PAPPA: variants seen among roughly 807,000 people sequenced by gnomAD.
PAPPA encodes pappalysin-1.
In PAPPA, 60 loss-of-function variants were observed where a neutral mutation model predicts 164.0. The ratio of observed to expected loss-of-function variants is 0.37; its 90% CI spans 0.30 to 0.45. The LOEUF is 0.45. PAPPA is among the 20% of genes least tolerant of loss of function. The probability of loss-of-function intolerance (pLI) is 1.00; values close to 1 mark genes in which losing one functional copy is unlikely to be tolerated. For synonymous variants in PAPPA, 875 were observed against 814.1 expected (o/e 1.07, Z -1.27); for missense variants, 1,782 against 2,087.3 (o/e 0.85, Z 2.85).
chr9:116,273,839 T>G (rs1845165358), intron 9 of PAPPA, among the ~76,000 whole-genome samples: 1 of 152,180 alleles, frequency 6.6e-6, no homozygotes, highest in African/African-American at 2.4e-5. Context: ...TAGATTCATT[T>G]TATAGACTGT....
chr9:116,255,767 C>T (rs1025564353), intron 7 of PAPPA, among the ~76,000 whole-genome samples: 4 of 151,808 alleles, frequency 2.6e-5, no homozygotes, highest in Admixed American at 6.6e-5. Context: ...CCTGAAACGA[C>T]CCCTGAAAAT....
At chr9:116,160,602 C>T (rs1488492717) in intron 1 of PAPPA, among the ~76,000 whole-genome samples, 1 of 152,206 alleles carries the variant, frequency 6.6e-6, no homozygotes, top group African/African-American at 2.4e-5. Flanking sequence ...TCTCCAGGTA[C>T]TAGAGGACTC....
At chr9:116,325,547 G>T (rs1198236497) in intron 10 of PAPPA, among the ~76,000 whole-genome samples, 4 of 152,154 alleles carry the variant, frequency 2.6e-5, no homozygotes, top group Non-Finnish European at 5.9e-5. Flanking sequence ...ATAGTCTAAG[G>T]GATTCTGCTA....
rs1050038549 is a variant in PAPPA, at chr9:116,154,281, C to T, written c.109C>T (p.Pro37Ser). ...RARRDPRAGR[P>S]PRPAAGPATC... ...CCGGAGAGACCCGCGGGCCGGCCGACCCCCGCGCCCCGCCGCCGGCCCGGC... is the reference window on the plus strand; with the variant it reads ...CCGGAGAGACCCGCGGGCCGGCCGATCCCCGCGCCCCGCCGCCGGCCCGGC... Residue 37 changes from proline to serine, a missense_variant, in exon 1 of 22, where the codon CCC becomes TCC. Pro to Ser is a moderately conservative substitution (Grantham distance 74). Coordinates refer to ENST00000328252, the MANE Select transcript of PAPPA (RefSeq NM_002581.5). This position sits in a 1 kb window ranked among gnomAD's most constrained non-coding sequence, Gnocchi z 5.2. 4.0e-6 allele frequency: 4 copies of T among 1,003,204 alleles called. No homozygotes were observed. The highest frequency in any genetic ancestry group is 1.7e-5 in the African/African-American group (1 of 57,194). 62.1% of individuals were successfully genotyped at this position (1,003,204 alleles called of 1,614,324 possible).
chr9:116,264,684 G>A (rs1046764291), intron 7 of PAPPA, among the ~76,000 whole-genome samples: 18 of 152,158 alleles, frequency 1.2e-4, no homozygotes, highest in South Asian at 2.1e-4. Flanking sequence ...CCCCCCCAAT[G>A]CTGGAATCTG....
intron 12 of PAPPA, among the ~76,000 whole-genome samples, chr9:116,333,841 G>A (rs1846024599): frequency 6.6e-6 from 1 of 151,974 alleles, no homozygotes; most frequent in African/African-American, 2.4e-5. Context: ...GATGCCTGAG[G>A]CTTTTCTGTT....
Position 116,187,656 on chromosome 9 carries a change from C to T in PAPPA, c.918C>T (p.Pro306=), listed in dbSNP as rs1271989423. ...CCCCCATGAAGGATGGCAGCAGCCC[C>T]AAAGTGGAATTCAGCAATGCCCACG... is the stretch of plus-strand genomic sequence containing the variant. The part of the protein sequence containing the change: ...AWSPMKDGSS[P]KVEFSNAHGF... Residue 306 remains proline, a synonymous_variant, in exon 2 of 22, where the codon CCC becomes CCT. Coordinates refer to ENST00000328252, the MANE Select transcript of PAPPA (RefSeq NM_002581.5). The surrounding 1 kb of genome is among the most constrained non-coding windows in gnomAD (Gnocchi z 4.2). The T allele has an allele frequency of 6.2e-7, 1 of 1,614,238 alleles. No homozygotes were observed. Among genetic ancestry groups the T allele is most frequent in the East Asian group, 2.2e-5 (1 of 44,882 alleles).
At chr9:116,200,148 G>T (rs759711896) in intron 2 of PAPPA, among the ~76,000 whole-genome samples, 1 of 152,184 alleles carries the variant, frequency 6.6e-6, no homozygotes, top group Non-Finnish European at 1.5e-5. Flanking sequence ...AACCTTGCAA[G>T]TGAGGGCTTG....
chr9:116,224,906 G>A (rs573070741), intron 5 of PAPPA, among the ~76,000 whole-genome samples: 1 of 152,216 alleles, frequency 6.6e-6, no homozygotes, highest in East Asian at 1.9e-4. Flanking sequence ...GTGTGTTTAT[G>A]TGTAGATATA....
At chr9:116,357,940 A>G (rs1846374923) in intron 17 of PAPPA, among the ~76,000 whole-genome samples, 1 of 152,214 alleles carries the variant, frequency 6.6e-6, no homozygotes, top group Non-Finnish European at 1.5e-5. Context: ...AGATCACAGA[A>G]GGTGGCTGTG....
intron 7 of PAPPA, among the ~76,000 whole-genome samples, chr9:116,238,545 A>G (rs1384524644): frequency 6.6e-6 from 1 of 152,198 alleles, no homozygotes; most frequent in African/African-American, 2.4e-5. Flanking sequence ...AGGCACTCAA[A>G]CTTAAGTGCT....
At chr9:116,336,639 A>C (rs893298258) in intron 13 of PAPPA, among the ~76,000 whole-genome samples, 1 of 152,238 alleles carries the variant, frequency 6.6e-6, no homozygotes, top group South Asian at 2.1e-4. Context: ...CCCTAAGTAA[A>C]TAGTAGGAAA....
chr9:116,387,913 T>C (rs1846837619), intron 21 of PAPPA, among the ~76,000 whole-genome samples: 1 of 151,910 alleles, frequency 6.6e-6, no homozygotes, highest in East Asian at 1.9e-4. Context: ...AGGAATGGAG[T>C]TCTTGGTATG....
intron 15 of PAPPA, among the ~76,000 whole-genome samples, chr9:116,351,548 T>C (rs1846282690): frequency 6.6e-6 from 1 of 152,174 alleles, no homozygotes; most frequent in Non-Finnish European, 1.5e-5. Context: ...CCGGAATGAA[T>C]AATAAGGGCC....
rs1844308888 is a variant in PAPPA, at chr9:116,211,686, C to T, written c.1672C>T (p.His558Tyr). ...TTTCTATGGCATGCCTGGGCACACCCACACCATGATCCATGAGATTGGTCA... is the reference window on the plus strand; with the variant it reads ...TTTCTATGGCATGCCTGGGCACACCTACACCATGATCCATGAGATTGGTCA... Reference protein sequence around the residue: ...PSFYGMPGHTHTMIHEIGHSL... With the variant: ...PSFYGMPGHTYTMIHEIGHSL... Residue 558 changes from histidine to tyrosine, a missense_variant, in exon 4 of 22, where the codon CAC becomes TAC. His to Tyr is a moderately conservative substitution (Grantham distance 83, BLOSUM62 2). Coordinates refer to ENST00000328252, the MANE Select transcript of PAPPA (RefSeq NM_002581.5). 6.2e-7 allele frequency: 1 copy of T among 1,614,008 alleles called. No homozygotes were observed. Among genetic ancestry groups the T allele is most frequent in the African/African-American group, 1.3e-5 (1 of 74,920 alleles).
At chr9:116,299,614 G>A (rs1845554807) in intron 9 of PAPPA, among the ~76,000 whole-genome samples, 1 of 152,084 alleles carries the variant, frequency 6.6e-6, no homozygotes, top group Non-Finnish European at 1.5e-5. Context: ...CCAAGAATTA[G>A]GCACCCCTAT....
Position 116,382,284 on chromosome 9 carries a change from C to A in PAPPA, c.4678-111C>A, listed in dbSNP as rs553482447. The stretch of plus-strand genomic sequence containing the variant: ...GGGATGTGAAGCCTGGCCAGCTAAT[C>A]GTGGAAGGCTGTGAAAAGATGACAG... On this transcript the variant is annotated intron_variant, in intron 20 of 21. Coordinates refer to ENST00000328252, the MANE Select transcript of PAPPA (RefSeq NM_002581.5). The A allele has an allele frequency of 1.5e-5, 11 of 717,200 alleles. No individual in the cohort carries two copies. The South Asian group carries it at 1.6e-4, about 10-fold the overall frequency. The allele number at this position is 717,200 out of a possible 1,614,324, so 44.4% of individuals were successfully genotyped here. A position where few individuals can be genotyped will look rare whatever the true frequency, so the allele number is the denominator to read the frequency against.
chr9:116,155,744 A>G (rs896569742), intron 1 of PAPPA, among the ~76,000 whole-genome samples: 1 of 152,076 alleles, frequency 6.6e-6, no homozygotes, highest in Non-Finnish European at 1.5e-5. Context: ...TGTAGCACTG[A>G]CTATCCAGTT....
At chr9:116,342,782 C>T (rs1289720470) in intron 13 of PAPPA, among the ~76,000 whole-genome samples, 2 of 152,084 alleles carry the variant, frequency 1.3e-5, no homozygotes, top group Admixed American at 6.5e-5. Flanking sequence ...TGTAAATCAT[C>T]GGTGCATACG....
Sources: gnomAD v4.1 joint callset for allele counts (sites outside exome capture counted in the v4.1 genomes callset) on GRCh38, gnomAD v4.1.1 for gene constraint, Gnocchi (gnomAD v3.1) non-coding constraint, MANE v1.5 for transcripts, NCBI Gene and HGNC (gene_info 2026-07-23, HGNC 2026-07-21) for gene names.